The following EXOC8 variants were observed in gnomAD, a reference collection of about 807,000 sequenced individuals.
EXOC8 encodes exocyst complex 84 kDa subunit.
In EXOC8, 19 loss-of-function variants were observed where a neutral mutation model predicts 50.8. That is an observed-to-expected ratio of 0.37 (90% CI 0.26 to 0.55). The LOEUF (loss-of-function observed/expected upper bound fraction) is 0.55, where lower values mean the gene tolerates loss of function less well. Among genes scored for constraint, EXOC8 ranks in the 20% least tolerant of loss-of-function variants. EXOC8 has a pLI of 0.80. For missense variants in EXOC8, 781 were observed against 915.8 expected (o/e 0.85, Z 1.90); for synonymous variants, 384 against 367.9 (o/e 1.04, Z -0.50).
chr1:231,334,592 T>C lies in EXOC8; in HGVS notation c.*976A>G, dbSNP rs1359070326. 1 of 152,220 alleles carries C rather than the reference T, an allele frequency of 6.6e-6. No homozygotes were observed. The highest frequency in any genetic ancestry group is 1.5e-5 in the Non-Finnish European group (1 of 68,034). 9.4% of individuals were successfully genotyped at this position (152,220 alleles called of 1,614,324 possible). A position where few individuals can be genotyped will look rare whatever the true frequency, so the allele number is the denominator to read the frequency against. ...TGGAAACTCACACAATTTAGAAATA[T>C]GTTGAAAACTTTTATTATAGTCCTT... On this transcript the variant is annotated 3_prime_UTR_variant, in exon 1 of 1. Coordinates refer to ENST00000366645, the MANE Select transcript of EXOC8 (RefSeq NM_175876.5).
At position 231,332,899 on chromosome 1, in the gene EXOC8, A is replaced by C. The variant is rs1457694674; in HGVS notation, c.*2669T>G. Reference sequence around the variant, plus strand: ...ATTCCCAATCCTAGGTAAGATATCAAGTTACAAAATACAAGTGCCGATAAT... The same window carrying C: ...ATTCCCAATCCTAGGTAAGATATCACGTTACAAAATACAAGTGCCGATAAT... On this transcript the variant is annotated 3_prime_UTR_variant, in exon 1 of 1. Coordinates refer to ENST00000366645, the MANE Select transcript of EXOC8 (RefSeq NM_175876.5). 2 of 152,220 alleles carry C rather than the reference A, an allele frequency of 1.3e-5. No individual in the cohort carries two copies. Among genetic ancestry groups the C allele is most frequent in the African/African-American group, 4.8e-5 (2 of 41,456 alleles). 9.4% of individuals were successfully genotyped at this position (152,220 alleles called of 1,614,324 possible).
rs373986810 is a variant in EXOC8, at chr1:231,337,730, A to ACATCGC, written c.10_15dup (p.Ala4_Met5dup). The ACATCGC allele has an allele frequency of 1.0e-3, 1,597 of 1,598,792 alleles. 13 individuals are homozygous for ACATCGC. In the African/African-American group the frequency reaches 0.018, roughly 18 times the overall value. On this transcript the variant is annotated inframe_insertion, in exon 1 of 1. Transcript: ENST00000366645. This position sits in a 1 kb window ranked among gnomAD's most constrained non-coding sequence, Gnocchi z 5.9. Reference sequence around the variant, plus strand: ...CGCAGGCGGCTCGCCCCACTGTCCGACATCGCCATCGCCATTTCTCTCCGG... The same window carrying ACATCGC: ...CGCAGGCGGCTCGCCCCACTGTCCGACATCGCCATCGCCATCGCCATTTCTCTCCGG...
At position 231,336,096 on chromosome 1, in the gene EXOC8, G is replaced by A; in HGVS notation, c.1650C>T (p.Asp550=). ...TGTAACTGTGCAAGGCCCCTTGGATGTCTTTCACCAGAAGGGCATGGATGA... is the reference window on the plus strand; with the variant it reads ...TGTAACTGTGCAAGGCCCCTTGGATATCTTTCACCAGAAGGGCATGGATGA... The part of the protein sequence containing the change: ...TFIIHALLVK[D]IQGALHSYKE... Residue 550 remains aspartate, a synonymous_variant, in exon 1 of 1, where the codon GAC becomes GAT. Transcript: ENST00000366645. This position sits in a 1 kb window ranked among gnomAD's most constrained non-coding sequence, Gnocchi z 5.4. The A allele has an allele frequency of 6.2e-7, 1 of 1,614,216 alleles. No individual in the cohort carries two copies. The highest frequency in any genetic ancestry group is 8.5e-7 in the Non-Finnish European group (1 of 1,180,046).
rs994847770 is a variant in EXOC8, at chr1:231,333,036, A to G, written c.*2532T>C. On this transcript the variant is annotated 3_prime_UTR_variant, in exon 1 of 1. Transcript: ENST00000366645. ...AAGGTGTCTTTTTTCCCCAAGAGTAATTAATTCAATCAAGCCCATGATTCC... is the reference window on the plus strand; with the variant it reads ...AAGGTGTCTTTTTTCCCCAAGAGTAGTTAATTCAATCAAGCCCATGATTCC... 3 of 152,222 alleles carry G rather than the reference A, an allele frequency of 2.0e-5. No individual in the cohort carries two copies. Among genetic ancestry groups the G allele is most frequent in the African/African-American group, 4.8e-5 (2 of 41,456 alleles). 9.4% of individuals were successfully genotyped at this position (152,222 alleles called of 1,614,324 possible).
Position 231,335,270 on chromosome 1 carries a change from T to TA in EXOC8, c.*297_*298insT. The TA allele has an allele frequency of 5.5e-6, 1 of 181,810 alleles. No homozygotes were observed. Among genetic ancestry groups the TA allele is most frequent in the Non-Finnish European group, 1.1e-5 (1 of 88,754 alleles). The allele number at this position is 181,810 out of a possible 1,614,324, so 11.3% of individuals were successfully genotyped here. A position where few individuals can be genotyped will look rare whatever the true frequency, so the allele number is the denominator to read the frequency against. ...AAAAAAAGAAAAAAGAAAAGTTTTATCAAAGGATAAAACCGAAATGCTATA... is the reference window on the plus strand; with the variant it reads ...AAAAAAAGAAAAAAGAAAAGTTTTATACAAAGGATAAAACCGAAATGCTATA... On this transcript the variant is annotated 3_prime_UTR_variant, in exon 1 of 1. Transcript: ENST00000366645.
Position 231,337,204 on chromosome 1 carries a change from T to G in EXOC8, c.542A>C (p.Gln181Pro). 3.7e-6 allele frequency: 6 copies of G among 1,614,014 alleles called. No homozygotes were observed. Among genetic ancestry groups the G allele is most frequent in the Non-Finnish European group, 5.1e-6 (6 of 1,180,028 alleles). Reference sequence around the variant, plus strand: ...TAGGTCCCCATTGTACACCAAGTACTGTCCCGGCGTCTCCAGCAGATGCCT... The same window carrying G: ...TAGGTCCCCATTGTACACCAAGTACGGTCCCGGCGTCTCCAGCAGATGCCT... ...GCRHLLETPGQYLVYNGDLVE... is the reference protein window; with the variant it reads ...GCRHLLETPGPYLVYNGDLVE... The change falls in exon 1 of 1, where the codon CAG becomes CCG. Residue 181 changes from glutamine to proline, a missense_variant. Coordinates refer to ENST00000366645, the MANE Select transcript of EXOC8 (RefSeq NM_175876.5). The surrounding 1 kb of genome is among the most constrained non-coding windows in gnomAD (Gnocchi z 5.9).
rs1475901994 is a variant in EXOC8 at position 231,333,094 on chromosome 1, C to T, written c.*2474G>A. 6.6e-6 allele frequency: 1 copy of T among 152,086 alleles called. No homozygotes were observed. Among genetic ancestry groups the T allele is most frequent in the Non-Finnish European group, 1.5e-5 (1 of 68,008 alleles). The allele number at this position is 152,086 out of a possible 1,614,324, so 9.4% of individuals were successfully genotyped here. Reference sequence around the variant, plus strand: ...AGTAACAAGTTTTATATTCTTGAAGCAAACAAGAAAAGGCAATCAATGCTT... The same window carrying T: ...AGTAACAAGTTTTATATTCTTGAAGTAAACAAGAAAAGGCAATCAATGCTT... On this transcript the variant is annotated 3_prime_UTR_variant, in exon 1 of 1. Coordinates refer to ENST00000366645, the MANE Select transcript of EXOC8 (RefSeq NM_175876.5).
chr1:231,336,329 C>G lies in EXOC8; in HGVS notation c.1417G>C (p.Glu473Gln). 1 of 1,614,050 alleles carries G rather than the reference C, an allele frequency of 6.2e-7. No individual in the cohort carries two copies. The highest frequency in any genetic ancestry group is 8.5e-7 in the Non-Finnish European group (1 of 1,179,994). The part of the protein sequence containing the change: ...FFTSLLETAR[E>Q]FEIDFAGTDS... ...GTGCCTGCAAAATCGATCTCAAATT[C>G]TCTTGCAGTCTCGAGAAGGCTGGTA... The change falls in exon 1 of 1, where the codon GAA becomes CAA. Residue 473 changes from glutamate (E) to glutamine (Q), a missense_variant. By Grantham distance (29) the Glu-to-Gln change is conservative. This residue lies in a region of EXOC8 where 700 missense variants were observed against 804.1 expected (regional missense o/e 0.87). Transcript: ENST00000366645. The surrounding 1 kb of genome is among the most constrained non-coding windows in gnomAD (Gnocchi z 5.4).
In EXOC8 at chr1:231,335,928, C is replaced by T. The variant is rs763202148; in HGVS notation, c.1818G>A (p.Gly606=). Residue 606 remains glycine (G), a synonymous_variant, in exon 1 of 1, where the codon GGG becomes GGA. Coordinates refer to ENST00000366645, the MANE Select transcript of EXOC8 (RefSeq NM_175876.5). ...AACTTAGGTTCACCCAGCAGTCATCCCCTGTGTACTGCTCAAAGTTACTTA... is the reference window on the plus strand; with the variant it reads ...AACTTAGGTTCACCCAGCAGTCATCTCCTGTGTACTGCTCAAAGTTACTTA... ...CGVSNFEQYT[G]DDCWVNLSYT... 10 of 1,614,010 alleles carry T rather than the reference C, an allele frequency of 6.2e-6. No individual in the cohort carries two copies. The African/African-American group carries it at 1.2e-4, about 19-fold the overall frequency.
At position 231,336,547 on chromosome 1, in the gene EXOC8, G is replaced by A. The variant is rs1686678592; in HGVS notation, c.1199C>T (p.Pro400Leu). The change falls in exon 1 of 1, where the codon CCA becomes CTA. Residue 400 changes from proline (P) to leucine (L), a missense_variant. Physicochemically the swap from Pro to Leu is moderately conservative, Grantham distance 98 (BLOSUM62 -3). Around this residue, in one of 3 missense-constraint regions of EXOC8, gnomAD observed 700 missense variants for 804.1 expected, o/e 0.87. Transcript: ENST00000366645. This position sits in a 1 kb window ranked among gnomAD's most constrained non-coding sequence, Gnocchi z 5.4. ...CGGACCACCTCTCAGGGAACGATCT[G>A]GGGAGAGTTCGAAAACTAGCACCTC... ...LTEVLVFELSPDRSLRGGPKA... is the reference protein window; with the variant it reads ...LTEVLVFELSLDRSLRGGPKA... 1.2e-6 allele frequency: 2 copies of A among 1,613,972 alleles called. No individual in the cohort carries two copies. The highest frequency in any genetic ancestry group is 3.3e-5 in the Admixed American group (2 of 60,004).
Position 231,337,644 on chromosome 1 carries a change from C to G in EXOC8, c.102G>C (p.Gln34His), listed in dbSNP as rs767174958. The G allele has an allele frequency of 3.7e-6, 6 of 1,610,628 alleles. No homozygotes were observed. The East Asian group carries it at 1.1e-4, about 30-fold the overall frequency. Residue 34 changes from glutamine (Q) to histidine (H), a missense_variant, in exon 1 of 1, where the codon CAG (glutamine) becomes CAC (histidine). Physicochemically the swap from Gln to His is conservative, Grantham distance 24 (BLOSUM62 0). Around this residue, in one of 3 missense-constraint regions of EXOC8, gnomAD observed 700 missense variants for 804.1 expected, o/e 0.87. Coordinates refer to ENST00000366645, the MANE Select transcript of EXOC8 (RefSeq NM_175876.5). The surrounding 1 kb of genome is among the most constrained non-coding windows in gnomAD (Gnocchi z 5.9). ...CCTGGAGGTCCCGGTCCCCATCCGA[C>G]TGCTGCGAGAGCTGCTTCACGTACA... Reference protein sequence around the residue: ...ARLYVKQLSQQSDGDRDLQEH... With the variant: ...ARLYVKQLSQHSDGDRDLQEH...
chr1:231,336,455 A>G lies in EXOC8; in HGVS notation c.1291T>C (p.Phe431Leu). The change falls in exon 1 of 1, where the codon TTT becomes CTT. Residue 431 changes from phenylalanine (F) to leucine (L), a missense_variant. Physicochemically the swap from Phe to Leu is conservative, Grantham distance 22 (BLOSUM62 0). Transcript: ENST00000366645. This position sits in a 1 kb window ranked among gnomAD's most constrained non-coding sequence, Gnocchi z 5.4. ...LGQCTKACEL[F>L]LRNRAAAVHT... is the part of the protein sequence containing the mutation. ...ACAGCGGCTGCCCTGTTTCTCAAAAATAGCTCACAGGCCTTCGTGCACTGG... is the reference window on the plus strand; with the variant it reads ...ACAGCGGCTGCCCTGTTTCTCAAAAGTAGCTCACAGGCCTTCGTGCACTGG... The G allele has an allele frequency of 6.2e-7, 1 of 1,613,872 alleles. No individual in the cohort carries two copies. Among genetic ancestry groups the G allele is most frequent in the Non-Finnish European group, 8.5e-7 (1 of 1,179,974 alleles).
In EXOC8 at chr1:231,337,413, G is replaced by A. The variant is rs756335359; in HGVS notation, c.333C>T (p.Ala111=). ...CTCCAGAGGCGGCGGCGGCTCCGGC[G>A]GCAGCAGCGGCAGGCAGCAACGTAA... ...IPLTLLPAAA[A]AGAAAASGGE... Residue 111 remains alanine (A), a synonymous_variant, in exon 1 of 1, where the codon GCC becomes GCT. Transcript: ENST00000366645. This position sits in a 1 kb window ranked among gnomAD's most constrained non-coding sequence, Gnocchi z 5.9. 1.9e-6 allele frequency: 3 copies of A among 1,605,906 alleles called. No homozygotes were observed. The highest frequency in any genetic ancestry group is 2.2e-5 in the South Asian group (2 of 91,048).
chr1:231,337,827 AGC>A lies in EXOC8; in HGVS notation c.-84_-83del. On this transcript the variant is annotated 5_prime_UTR_variant, in exon 1 of 1. Transcript: ENST00000366645. The surrounding 1 kb of genome is among the most constrained non-coding windows in gnomAD (Gnocchi z 5.9). ...GTCTAGACCCACCCAAGGCCAACCG[AGC>A]TCCTGGGCTGAGGAAGCAGGAATGG... 1 of 1,497,390 alleles carries A rather than the reference AGC, an allele frequency of 6.7e-7. No individual in the cohort carries two copies. The highest frequency in any genetic ancestry group is 8.9e-7 in the Non-Finnish European group (1 of 1,119,066). 92.8% of individuals were successfully genotyped at this position (1,497,390 alleles called of 1,614,324 possible).
chr1:231,337,811 C>T lies in EXOC8; in HGVS notation c.-66G>A, dbSNP rs1431989260. The T allele has an allele frequency of 1.3e-6, 2 of 1,514,978 alleles. No individual in the cohort carries two copies. The highest frequency in any genetic ancestry group is 2.3e-5 in the East Asian group (1 of 43,820). 93.8% of individuals were successfully genotyped at this position (1,514,978 alleles called of 1,614,324 possible). On this transcript the variant is annotated 5_prime_UTR_variant, in exon 1 of 1. Transcript: ENST00000366645. The surrounding 1 kb of genome is among the most constrained non-coding windows in gnomAD (Gnocchi z 5.9). ...CGCAGCCGCCGCGGCTGTCTAGACCCACCCAAGGCCAACCGAGCTCCTGGG... is the reference window on the plus strand; with the variant it reads ...CGCAGCCGCCGCGGCTGTCTAGACCTACCCAAGGCCAACCGAGCTCCTGGG...
rs1303462763 is a variant in EXOC8 at position 231,333,056 on chromosome 1, GA to G, written c.*2511del. 2 of 152,212 alleles carry G rather than the reference GA, an allele frequency of 1.3e-5. No individual in the cohort carries two copies. The highest frequency in any genetic ancestry group is 2.9e-5 in the Non-Finnish European group (2 of 68,040). The allele number at this position is 152,212 out of a possible 1,614,324, so 9.4% of individuals were successfully genotyped here. On this transcript the variant is annotated 3_prime_UTR_variant, in exon 1 of 1. Coordinates refer to ENST00000366645, the MANE Select transcript of EXOC8 (RefSeq NM_175876.5). Reference sequence around the variant, plus strand: ...GAGTAATTAATTCAATCAAGCCCATGATTCCAAGCTCAAGTAACAAGTTTTA... The same window carrying G: ...GAGTAATTAATTCAATCAAGCCCATGTTCCAAGCTCAAGTAACAAGTTTTA...
chr1:231,337,055 A>G lies in EXOC8; in HGVS notation c.691T>C (p.Tyr231His), dbSNP rs1686696254. 6.2e-7 allele frequency: 1 copy of G among 1,614,102 alleles called. No homozygotes were observed. Among genetic ancestry groups the G allele is most frequent in the Non-Finnish European group, 8.5e-7 (1 of 1,180,036 alleles). ...RRGMYRYNAL[Y>H]SLDGLAVVNV... is the part of the protein sequence containing the mutation. ...ACTACGGCCAAACCATCTAGGGAATAGAGAGCGTTGTAGCGATACATCCCA... is the reference window on the plus strand; with the variant it reads ...ACTACGGCCAAACCATCTAGGGAATGGAGAGCGTTGTAGCGATACATCCCA... The change falls in exon 1 of 1, where the codon TAT becomes CAT. Residue 231 changes from tyrosine to histidine, a missense_variant. Transcript: ENST00000366645. This position sits in a 1 kb window ranked among gnomAD's most constrained non-coding sequence, Gnocchi z 5.9.
At position 231,337,813 on chromosome 1, in the gene EXOC8, C is replaced by T. The variant is rs1686721867; in HGVS notation, c.-68G>A. 3.3e-6 allele frequency: 5 copies of T among 1,515,460 alleles called. No homozygotes were observed. In the South Asian group the frequency reaches 5.3e-5, roughly 16 times the overall value. The allele number at this position is 1,515,460 out of a possible 1,614,324, so 93.9% of individuals were successfully genotyped here. On this transcript the variant is annotated 5_prime_UTR_variant, in exon 1 of 1. In the 5' UTR this introduces an upstream ATG that the reference lacks. Coordinates refer to ENST00000366645, the MANE Select transcript of EXOC8 (RefSeq NM_175876.5). This position sits in a 1 kb window ranked among gnomAD's most constrained non-coding sequence, Gnocchi z 5.9. ...CAGCCGCCGCGGCTGTCTAGACCCA[C>T]CCAAGGCCAACCGAGCTCCTGGGCT...
In EXOC8 at chr1:231,336,967, C is replaced by T; in HGVS notation, c.779G>A (p.Arg260His). The change falls in exon 1 of 1, where the codon CGT becomes CAT. Residue 260 changes from arginine to histidine, a missense_variant. Physicochemically the swap from Arg to His is conservative, Grantham distance 29. This residue lies in a region of EXOC8 where 700 missense variants were observed against 804.1 expected (regional missense o/e 0.87). Transcript: ENST00000366645. This position sits in a 1 kb window ranked among gnomAD's most constrained non-coding sequence, Gnocchi z 5.4. ...TTTAGCATTTTCGGCCTGGAAAATA[C>T]GGCTCTCGGGGAACATAAGCAGCTT... is the stretch of plus-strand genomic sequence containing the variant. ...MFKLLMFPES[R>H]IFQAENAKIK... The T allele has an allele frequency of 1.2e-6, 2 of 1,614,134 alleles. No individual in the cohort carries two copies. Among genetic ancestry groups the T allele is most frequent in the Non-Finnish European group, 1.7e-6 (2 of 1,180,036 alleles).
Sources: gnomAD v4.1 joint callset for allele counts on GRCh38, gnomAD v4.1.1 for gene constraint, gnomAD v4.1.1 regional missense constraint, Gnocchi (gnomAD v3.1) non-coding constraint, MANE v1.5 for transcripts, NCBI Gene and HGNC (gene_info 2026-07-23, HGNC 2026-07-21) for gene names.